ST6GALNAC5: variants seen among roughly 807,000 people sequenced by gnomAD.
ST6GALNAC5 encodes alpha-N-acetylgalactosaminide alpha-2,6-sialyltransferase 5.
Under a neutral mutation model 33.6 loss-of-function variants are expected in ST6GALNAC5, and 27 were observed. The observed-to-expected ratio is 0.80, with a 90% confidence interval of 0.59 to 1.11. ST6GALNAC5 has a LOEUF of 1.11. Among genes scored for constraint, ST6GALNAC5 ranks in the 50% least tolerant of loss-of-function variants. The pLI is 0.00. For missense variants in ST6GALNAC5, 428 were observed against 454.0 expected (o/e 0.94, Z 0.52); for synonymous variants, 194 against 171.2 (o/e 1.13, Z -1.04).
chr1:76,960,644 C>T (rs1224308052), intron 2 of ST6GALNAC5, among the ~76,000 whole-genome samples: 6 of 152,084 alleles, frequency 3.9e-5, no homozygotes, highest in African/African-American at 7.2e-5. Flanking sequence ...GGCCAACCCC[C>T]GAAGCGGCCA....
chr1:77,005,612 T>C (rs1170154121), intron 2 of ST6GALNAC5, among the ~76,000 whole-genome samples: 2 of 152,212 alleles, frequency 1.3e-5, no homozygotes, highest in East Asian at 3.9e-4. Flanking sequence ...TTAAGTACAC[T>C]CACATTGTTG....
intron 2 of ST6GALNAC5, among the ~76,000 whole-genome samples, chr1:76,889,736 T>A (rs1653974049): frequency 6.6e-6 from 1 of 152,156 alleles, no homozygotes; most frequent in Non-Finnish European, 1.5e-5. Flanking sequence ...GGTCTTTCTT[T>A]CAGTTTGCTA....
At chr1:76,897,461 CAGGTG>C (rs1452703293) in intron 2 of ST6GALNAC5, among the ~76,000 whole-genome samples, 1 of 152,122 alleles carries the variant, frequency 6.6e-6, no homozygotes, top group African/African-American at 2.4e-5. Flanking sequence ...CATGCTGTAG[CAGGTG>C]AGTGATAACA....
At chr1:77,058,897 G>A (rs1255738896) in intron 4 of ST6GALNAC5, among the ~76,000 whole-genome samples, 3 of 152,192 alleles carry the variant, frequency 2.0e-5, no homozygotes, top group African/African-American at 7.2e-5. Flanking sequence ...TTGCCTCAGA[G>A]GGCTGATGAG....
At chr1:76,903,108 T>C (rs1426843894) in intron 2 of ST6GALNAC5, among the ~76,000 whole-genome samples, 1 of 152,060 alleles carries the variant, frequency 6.6e-6, no homozygotes, top group Non-Finnish European at 1.5e-5. Flanking sequence ...AAACAACCCA[T>C]GGAATAAGAG....
Position 77,003,795 on chromosome 1 carries a change from T to C in ST6GALNAC5, c.262-40409T>C, listed in dbSNP as rs993129192. ...TGAAATTCTGGGTGGAAAATTCTTT[T>C]CTTTAAGAATGTTGAATATTGGCCC... On this transcript the variant is annotated intron_variant, in intron 2 of 4. Transcript: ENST00000477717. Among the ~76,000 whole-genome samples the C allele has an allele frequency of 4.0e-3, 598 of 150,800 alleles. 5 individuals carry two copies. The highest frequency in any genetic ancestry group is 0.014 in the African/African-American group (556 of 41,026).
At chr1:77,006,345 T>G (rs1650417294) in intron 2 of ST6GALNAC5, among the ~76,000 whole-genome samples, 2 of 82,468 alleles carry the variant, frequency 2.4e-5, no homozygotes, top group Admixed American at 2.4e-4. Flanking sequence ...TTTTTTTTTT[T>G]GAGACAGAGT....
At chr1:77,024,058 G>A (rs1651148105) in intron 2 of ST6GALNAC5, among the ~76,000 whole-genome samples, 1 of 152,216 alleles carries the variant, frequency 6.6e-6, no homozygotes, top group African/African-American at 2.4e-5. Context: ...GCCCCAGGCA[G>A]CAGAGGAAAG....
chr1:76,899,357 G>T (rs1024891909), intron 2 of ST6GALNAC5, among the ~76,000 whole-genome samples: 7 of 152,002 alleles, frequency 4.6e-5, no homozygotes, highest in Non-Finnish European at 7.4e-5. Flanking sequence ...GCAGAGAAGG[G>T]GTCGGGGTGT....
chr1:76,923,571 T>C (rs1324569555), intron 2 of ST6GALNAC5, among the ~76,000 whole-genome samples: 1 of 152,070 alleles, frequency 6.6e-6, no homozygotes, highest in Non-Finnish European at 1.5e-5. Context: ...CAGGTAGCTG[T>C]AATCTCAGCT....
chr1:76,868,877 G>A lies in ST6GALNAC5; in HGVS notation c.261+135G>A. The A allele has an allele frequency of 1.5e-6, 2 of 1,356,162 alleles. No individual in the cohort carries two copies. Among genetic ancestry groups the A allele is most frequent in the Non-Finnish European group, 1.9e-6 (2 of 1,038,704 alleles). 84.0% of individuals were successfully genotyped at this position (1,356,162 alleles called of 1,614,324 possible). A position where few individuals can be genotyped will look rare whatever the true frequency, so the allele number is the denominator to read the frequency against. On this transcript the variant is annotated intron_variant, in intron 2 of 4. Transcript: ENST00000477717. This position sits in a 1 kb window ranked among gnomAD's most constrained non-coding sequence, Gnocchi z 4.3. The stretch of plus-strand genomic sequence containing the variant: ...GGCTGGAGGGGAGTGGACCCGCTGG[G>A]GTAGGGTGGGCTAGTTCCAACTTGG...
intron 2 of ST6GALNAC5, among the ~76,000 whole-genome samples, chr1:76,872,068 A>AACAC (rs66721550): frequency 0.056 from 7,306 of 130,126 alleles, 249 homozygotes; most frequent in South Asian, 0.078. Flanking sequence ...TAACCAAGCT[A>AACAC]ACACACACAC....
intron 2 of ST6GALNAC5, among the ~76,000 whole-genome samples, chr1:76,933,462 A>T (rs1647165248): frequency 6.6e-6 from 1 of 152,006 alleles, no homozygotes; most frequent in Admixed American, 6.6e-5. Flanking sequence ...GATACATTGA[A>T]TCATGTTTAA....
intron 2 of ST6GALNAC5, among the ~76,000 whole-genome samples, chr1:76,968,027 G>A (rs572168622): frequency 3.3e-5 from 5 of 152,190 alleles, no homozygotes; most frequent in Non-Finnish European, 5.9e-5. Flanking sequence ...TGGAATAAGT[G>A]CGATGTGGTG....
chr1:76,894,705 G>A (rs921482671), intron 2 of ST6GALNAC5, among the ~76,000 whole-genome samples: 17 of 152,160 alleles, frequency 1.1e-4, no homozygotes, highest in Admixed American at 3.9e-4. Flanking sequence ...TACCAAATAC[G>A]TTGCAGGTGG....
chr1:77,031,106 C>A (rs1651435368), intron 2 of ST6GALNAC5, among the ~76,000 whole-genome samples: 1 of 152,200 alleles, frequency 6.6e-6, no homozygotes, highest in Non-Finnish European at 1.5e-5. Context: ...TCATGTTTAG[C>A]AAGATTAAAG....
At chr1:77,014,046 T>A (rs778832696) in intron 2 of ST6GALNAC5, among the ~76,000 whole-genome samples, 7 of 152,152 alleles carry the variant, frequency 4.6e-5, no homozygotes, top group Non-Finnish European at 7.4e-5. Flanking sequence ...CCCAGCCTCA[T>A]CCATAAAAGC....
chr1:76,966,007 T>A (rs527924061), intron 2 of ST6GALNAC5, among the ~76,000 whole-genome samples: 2 of 152,250 alleles, frequency 1.3e-5, no homozygotes, highest in African/African-American at 2.4e-5. Context: ...TTGGTTACTG[T>A]AGCCTTGTAG....
intron 3 of ST6GALNAC5, among the ~76,000 whole-genome samples, chr1:77,047,625 A>T (rs1288367625): frequency 2.0e-5 from 3 of 152,238 alleles, no homozygotes; most frequent in Non-Finnish European, 4.4e-5. Context: ...CTTTGATATT[A>T]AAAAGTAACT....
Sources: allele counts gnomAD v4.1 joint callset (sites outside exome capture counted in the v4.1 genomes callset), GRCh38; gene constraint gnomAD v4.1.1; non-coding constraint Gnocchi (gnomAD v3.1); transcripts MANE v1.5; gene names NCBI Gene and HGNC (gene_info 2026-07-23, HGNC 2026-07-21).